The following RIMOC1 variants were observed in gnomAD, a reference collection of about 807,000 sequenced individuals.
RIMOC1 encodes the protein RAB7A interacting MON1-CCZ1 complex subunit 1, also known as RAB7A-interacting MON1-CCZ1 complex subunit 1.
At chr5:41,909,273 G>A in the RIMOC1 span, among the ~76,000 whole-genome samples, 2 of 151,988 alleles carry the variant, frequency 1.3e-5, no homozygotes, top group Non-Finnish European at 2.9e-5. Flanking sequence ...ATATGTTGAT[G>A]GTATGCTTCC....
the RIMOC1 span, among the ~76,000 whole-genome samples, chr5:41,912,515 G>T: frequency 6.6e-6 from 1 of 152,142 alleles, no homozygotes; most frequent in Non-Finnish European, 1.5e-5. Context: ...AACAAGAGAG[G>T]TTTAATTGAC....
At chr5:41,916,326 A>ACC in the RIMOC1 span, 1 of 783,228 alleles carries the variant, frequency 1.3e-6, no homozygotes, top group Non-Finnish European at 1.5e-6. Flanking sequence ...CTTTCTGCCA[A>ACC]ATTAATATAC....
chr5:41,909,755 G>T, the RIMOC1 span: 7 of 1,505,450 alleles, frequency 4.6e-6, no homozygotes, highest in African/African-American at 4.4e-5. Context: ...GGCTATTTTG[G>T]ACATGACATA....
the RIMOC1 span, among the ~76,000 whole-genome samples, chr5:41,912,915 G>A: frequency 6.6e-6 from 1 of 152,192 alleles, no homozygotes; most frequent in Non-Finnish European, 1.5e-5. Context: ...GCACAGTAAA[G>A]GTCCAGAGCT....
chr5:41,917,180 G>T, the RIMOC1 span: 2 of 1,613,722 alleles, frequency 1.2e-6, no homozygotes, highest in Non-Finnish European at 1.7e-6. Context: ...TTTCCGAGAA[G>T]TAGGAGAAAA....
chr5:41,918,559 T>C, the RIMOC1 span: 1 of 985,328 alleles, frequency 1.0e-6, no homozygotes, highest in East Asian at 1.1e-4. Flanking sequence ...ATTAATCCTA[T>C]TTATTATCTA....
At chr5:41,916,991 C>T in the RIMOC1 span, 5 of 1,551,964 alleles carry the variant, frequency 3.2e-6, no homozygotes, top group Non-Finnish European at 4.4e-6. Flanking sequence ...TAATTCTAAT[C>T]TGTCAACCTA....
At chr5:41,906,786 CTG>C in the RIMOC1 span, among the ~76,000 whole-genome samples, 8 of 152,226 alleles carry the variant, frequency 5.3e-5, no homozygotes, top group African/African-American at 1.9e-4. Context: ...AACACCTTAT[CTG>C]TGTAACTCCT....
chr5:41,918,898 A>G, the RIMOC1 span: 1 of 306,066 alleles, frequency 3.3e-6, no homozygotes, highest in Non-Finnish European at 4.8e-6. Flanking sequence ...TCTGTGCTAC[A>G]TGTTGGTTTC....
At chr5:41,917,227 C>T in the RIMOC1 span, 1 of 1,613,310 alleles carries the variant, frequency 6.2e-7, no homozygotes, top group African/African-American at 1.3e-5. Flanking sequence ...GTGAAGGACC[C>T]CTGAAAGAAC....
chr5:41,917,851 C>G, the RIMOC1 span: 83 of 785,468 alleles, frequency 1.1e-4, no homozygotes, highest in Admixed American at 5.2e-3. Context: ...AATTATTTTG[C>G]CATGTATTAC....
At chr5:41,917,282 C>T in the RIMOC1 span, 3 of 1,609,750 alleles carry the variant, frequency 1.9e-6, no homozygotes, top group East Asian at 4.5e-5. Context: ...AAACTTCTTT[C>T]ATCATCGCTG....
chr5:41,918,334 T>C, the RIMOC1 span: 3 of 985,790 alleles, frequency 3.0e-6, no homozygotes, highest in Non-Finnish European at 3.6e-6. Flanking sequence ...CCTTATTTTA[T>C]TGACTTTTCT....
At chr5:41,914,504 C>CAAAACAAAACAAAACAAAACAAAACAAAG in the RIMOC1 span, among the ~76,000 whole-genome samples, 1 of 137,094 alleles carries the variant, frequency 7.3e-6, no homozygotes, top group African/African-American at 2.7e-5. Flanking sequence ...ACAAAACAAA[C>CAAAACAAAACAAAACAAAACAAAACAAAG]ATAAGTTTGC....
chr5:41,910,344 A>T, the RIMOC1 span, among the ~76,000 whole-genome samples: 1 of 151,642 alleles, frequency 6.6e-6, no homozygotes, highest in African/African-American at 2.4e-5. Context: ...CTTGCTAGCA[A>T]CTGTTCTGCC....
At chr5:41,907,757 C>T in the RIMOC1 span, 7 of 1,608,088 alleles carry the variant, frequency 4.4e-6, no homozygotes, top group Non-Finnish European at 5.1e-6. Flanking sequence ...ATTCGGGCCT[C>T]TGCAGCATTA....
the RIMOC1 span, chr5:41,911,077 G>A: frequency 1.4e-5 from 23 of 1,609,682 alleles, no homozygotes; most frequent in Middle Eastern, 1.7e-4. Context: ...ATGAGCTACT[G>A]GAATGTCTCT....
the RIMOC1 span, chr5:41,919,359 A>G: frequency 6.6e-6 from 1 of 152,292 alleles, no homozygotes; most frequent in Non-Finnish European, 1.5e-5. Flanking sequence ...AGTGTTGCTC[A>G]AACAGTTAAA....
chr5:41,908,155 G>T, the RIMOC1 span, among the ~76,000 whole-genome samples: 1 of 151,640 alleles, frequency 6.6e-6, no homozygotes, highest in Non-Finnish European at 1.5e-5. Flanking sequence ...TTCAGAGGGA[G>T]CAGGGGAGTA....
Sources: gnomAD v4.1 joint callset for allele counts (sites outside exome capture counted in the v4.1 genomes callset) on GRCh38, gnomAD v4.1.1 for gene constraint, MANE v1.5 for transcripts, NCBI Gene and HGNC (gene_info 2026-07-23, HGNC 2026-07-21) for gene names.